The following PCDHGA6 variants were observed in gnomAD, a reference collection of about 807,000 sequenced individuals.
PCDHGA6 encodes the protein protocadherin gamma subfamily A, 6.
Under a neutral mutation model 60.6 loss-of-function variants are expected in PCDHGA6, and 41 were observed. The observed-to-expected ratio is 0.68, with a 90% confidence interval of 0.53 to 0.88. PCDHGA6 has a LOEUF of 0.88. PCDHGA6 is among the 40% of genes least tolerant of loss of function. The pLI is 0.00. For missense variants in PCDHGA6, 1,312 were observed against 1,203.0 expected (o/e 1.09, Z -1.34); for synonymous variants, 594 against 524.4 (o/e 1.13, Z -1.81).
At chr5:141,399,592 G>A (rs1385029299) in intron 1 of PCDHGA6, 4 of 1,613,880 alleles carry the variant, frequency 2.5e-6, no homozygotes, top group Non-Finnish European at 3.4e-6. Flanking sequence ...CTCTATCATG[G>A]CCAGCGACCT....
chr5:141,393,577 T>C (rs781192019), intron 1 of PCDHGA6: 1 of 1,613,890 alleles, frequency 6.2e-7, no homozygotes, highest in Admixed American at 1.7e-5. Flanking sequence ...CTTGAGAACA[T>C]GCCCCCAGGC....
intron 1 of PCDHGA6, chr5:141,405,405 T>C (rs765108115): frequency 1.4e-5 from 22 of 1,588,008 alleles, no homozygotes; most frequent in Non-Finnish European, 1.9e-5. Context: ...TTTCTTTCTT[T>C]TCTTTTTTTG....
chr5:141,400,120 C>G, intron 1 of PCDHGA6: 1 of 1,614,076 alleles, frequency 6.2e-7, no homozygotes, highest in Non-Finnish European at 8.5e-7. Context: ...TGACAGCTTG[C>G]AGGAGGTGCT....
chr5:141,383,107 G>A, intron 1 of PCDHGA6: 1 of 1,614,032 alleles, frequency 6.2e-7, no homozygotes, highest in South Asian at 1.1e-5. Context: ...CATCTCCAGA[G>A]GTAGGACGCA....
chr5:141,410,602 T>A, intron 1 of PCDHGA6: 4 of 1,607,792 alleles, frequency 2.5e-6, no homozygotes, highest in South Asian at 2.2e-5. Flanking sequence ...TGACTTCACA[T>A]CCTGAGACTC....
intron 1 of PCDHGA6, chr5:141,393,383 A>G: frequency 6.2e-7 from 1 of 1,614,000 alleles, no homozygotes; most frequent in Non-Finnish European, 8.5e-7. Flanking sequence ...ATGGAGCCAT[A>G]AACCCAGAGC....
At chr5:141,379,257 AG>A (rs1177830899) in intron 1 of PCDHGA6, 8 of 152,234 alleles carry the variant, frequency 5.3e-5, no homozygotes, top group Non-Finnish European at 1.2e-4. Flanking sequence ...TTTACATTTA[AG>A]GAATTGTTAT....
chr5:141,433,587 G>A (rs1228017153), intron 1 of PCDHGA6, among the ~76,000 whole-genome samples: 1 of 152,068 alleles, frequency 6.6e-6, no homozygotes, highest in African/African-American at 2.4e-5. Flanking sequence ...TGTAATCCCA[G>A]TACTTTGGGA....
At chr5:141,444,380 A>G (rs1475986922) in intron 1 of PCDHGA6, among the ~76,000 whole-genome samples, 1 of 151,876 alleles carries the variant, frequency 6.6e-6, no homozygotes, top group Non-Finnish European at 1.5e-5. Context: ...CATGTTGGTC[A>G]GGCTAGTCTT....
chr5:141,421,760 A>G, intron 1 of PCDHGA6: 1 of 1,613,868 alleles, frequency 6.2e-7, no homozygotes, highest in South Asian at 1.1e-5. Context: ...CCTAATAATT[A>G]CTTTTCCTTG....
At chr5:141,404,186 C>G in intron 1 of PCDHGA6, 1 of 1,613,086 alleles carries the variant, frequency 6.2e-7, no homozygotes, top group Non-Finnish European at 8.5e-7. Flanking sequence ...AATTCTTGAC[C>G]GAGAAAAAGC....
intron 1 of PCDHGA6, chr5:141,385,444 G>C: frequency 6.9e-7 from 1 of 1,448,588 alleles, no homozygotes; most frequent in East Asian, 2.5e-5. Context: ...GTAAAAATGA[G>C]TTTACCAGTT....
intron 1 of PCDHGA6, among the ~76,000 whole-genome samples, chr5:141,480,911 G>A (rs2154578422): frequency 6.6e-6 from 1 of 152,218 alleles, no homozygotes; most frequent in East Asian, 1.9e-4. Flanking sequence ...TGGGCATGGT[G>A]GCGCATACCT....
In PCDHGA6 at chr5:141,394,836, T is replaced by G. The variant is rs116789057; in HGVS notation, c.2424+18329T>G. On this transcript the variant is annotated intron_variant, in intron 1 of 3. Transcript: ENST00000517434. Reference sequence around the variant, plus strand: ...CAGCATCCCCGAAGTCCTGACCGAGTTGGGCAGTCTGAAGCCTTCGGTCGA... The same window carrying G: ...CAGCATCCCCGAAGTCCTGACCGAGGTGGGCAGTCTGAAGCCTTCGGTCGA... 1,507 of 1,613,748 alleles carry G rather than the reference T, an allele frequency of 9.3e-4. 9 individuals carry two copies. The African/African-American group carries it at 0.016, about 17-fold the overall frequency.
intron 1 of PCDHGA6, among the ~76,000 whole-genome samples, chr5:141,453,517 C>A (rs1001603927): frequency 1.3e-5 from 2 of 152,062 alleles, no homozygotes; most frequent in African/African-American, 4.8e-5. Flanking sequence ...TCATTCCTCC[C>A]CTATACCTTC....
intron 1 of PCDHGA6, chr5:141,405,433 T>G (rs539486666): frequency 2.0e-6 from 3 of 1,471,752 alleles, no homozygotes; most frequent in Admixed American, 3.9e-5. Flanking sequence ...TTTTGTTTTG[T>G]TTTTGAGACA....
rs368850413 is a variant in PCDHGA6, at chr5:141,400,711, C to T, written c.2424+24204C>T. 8.7e-6 allele frequency: 6 copies of T among 691,160 alleles called. No individual in the cohort carries two copies. The African/African-American group carries it at 9.0e-5, about 10-fold the overall frequency. The allele number at this position is 691,160 out of a possible 1,614,324, so 42.8% of individuals were successfully genotyped here. On this transcript the variant is annotated intron_variant, in intron 1 of 3. Coordinates refer to ENST00000517434, the MANE Select transcript of PCDHGA6 (RefSeq NM_018919.3). Reference sequence around the variant, plus strand: ...TTTTATGTCGCATAAAAGAAGTAGCCTTATAGATTTACAAAGTAGTGAGAG... The same window carrying T: ...TTTTATGTCGCATAAAAGAAGTAGCTTTATAGATTTACAAAGTAGTGAGAG...
intron 1 of PCDHGA6, chr5:141,418,409 G>A (rs2096254230): frequency 6.2e-7 from 1 of 1,613,792 alleles, no homozygotes; most frequent in African/African-American, 1.3e-5. Context: ...GGTGGAGAAA[G>A]ACAATCCTGA....
intron 1 of PCDHGA6, chr5:141,418,561 T>C: frequency 1.2e-6 from 2 of 1,614,006 alleles, no homozygotes; most frequent in Non-Finnish European, 1.7e-6. Context: ...TGGTAATAGA[T>C]GCCAATGACA....
Sources: allele counts gnomAD v4.1 joint callset (sites outside exome capture counted in the v4.1 genomes callset), GRCh38; gene constraint gnomAD v4.1.1; transcripts MANE v1.5; gene names NCBI Gene and HGNC (gene_info 2026-07-23, HGNC 2026-07-21).